LYPLAL1: variants seen among roughly 807,000 people sequenced by gnomAD.
LYPLAL1 encodes the protein lysophospholipase like 1.
A neutral mutation model predicts 19.7 loss-of-function variants in LYPLAL1; 23 were observed. That is an observed-to-expected ratio of 1.17 (90% confidence interval 0.84 to 1.65). The LOEUF (loss-of-function observed/expected upper bound fraction) is 1.65. LYPLAL1 is among the 40% of genes most tolerant of loss of function. The pLI is 0.00. For missense variants in LYPLAL1, 355 were observed against 279.4 expected (o/e 1.27, Z -1.93); for synonymous variants, 119 against 96.3 (o/e 1.24, Z -1.38).
At chr1:219,180,163 A>C (rs532448328) in intron 2 of LYPLAL1, among the ~76,000 whole-genome samples, 1 of 152,076 alleles carries the variant, frequency 6.6e-6, no homozygotes, top group Non-Finnish European at 1.5e-5. Context: ...CGCCCAGCTA[A>C]TTTTAAAGAC....
the LYPLAL1 span, among the ~76,000 whole-genome samples, chr1:219,340,265 T>C: frequency 6.6e-6 from 1 of 152,072 alleles, no homozygotes; most frequent in African/African-American, 2.4e-5. Context: ...CTTTAGTAGC[T>C]CTGGTGTTCT....
the LYPLAL1 span, among the ~76,000 whole-genome samples, chr1:219,402,804 C>T: frequency 1.3e-5 from 2 of 151,658 alleles, no homozygotes; most frequent in African/African-American, 2.4e-5. Context: ...TTCATGTAAT[C>T]GTGAGAATAA....
Position 219,173,922 on chromosome 1 carries a change from G to T in LYPLAL1, c.32G>T (p.Arg11Leu), listed in dbSNP as rs370263410. ...GCTGCGTCGGGGTCGGTTCTGCAGC[G>T]CTGTATCGTGTCGCCGGCAGGGAGG... MAAASGSVLQ[R>L]CIVSPAGRHS... Residue 11 changes from arginine to leucine, a missense_variant, in exon 1 of 5, where the codon CGC (arginine) becomes CTC (leucine). Physicochemically the swap from Arg to Leu is moderately radical, Grantham distance 102. Transcript: ENST00000366928. 1.9e-6 allele frequency: 3 copies of T among 1,613,772 alleles called. No homozygotes were observed. Among genetic ancestry groups the T allele is most frequent in the Admixed American group, 1.7e-5 (1 of 60,032 alleles).
At chr1:219,413,391 T>A in the LYPLAL1 span, among the ~76,000 whole-genome samples, 1 of 152,206 alleles carries the variant, frequency 6.6e-6, no homozygotes, top group Admixed American at 6.5e-5. Context: ...CTGCCACTGA[T>A]CCATGTACCA....
chr1:219,422,081 C>G, the LYPLAL1 span, among the ~76,000 whole-genome samples: 1 of 152,154 alleles, frequency 6.6e-6, no homozygotes, highest in Non-Finnish European at 1.5e-5. Flanking sequence ...ACACCACATA[C>G]CATTTTTTCC....
chr1:219,367,094 A>C, the LYPLAL1 span, among the ~76,000 whole-genome samples: 1 of 152,028 alleles, frequency 6.6e-6, no homozygotes, highest in Non-Finnish European at 1.5e-5. Flanking sequence ...TTACCCCGAG[A>C]TAACTTTGCC....
chr1:219,320,675 G>A, the LYPLAL1 span, among the ~76,000 whole-genome samples: 1 of 152,042 alleles, frequency 6.6e-6, no homozygotes, highest in Non-Finnish European at 1.5e-5. Context: ...CCACCTCTGA[G>A]TGAGAACATG....
the LYPLAL1 span, among the ~76,000 whole-genome samples, chr1:219,379,472 G>T: frequency 4.9e-4 from 74 of 152,290 alleles, 1 homozygote; most frequent in Non-Finnish European, 9.3e-4. Flanking sequence ...GCTGCAGTTA[G>T]CTCTAAAGGG....
At chr1:219,281,963 C>T in the LYPLAL1 span, among the ~76,000 whole-genome samples, 60 of 152,288 alleles carry the variant, frequency 3.9e-4, no homozygotes, top group African/African-American at 1.2e-3. Context: ...GCCACTCTCT[C>T]TTACATGCAC....
At chr1:219,174,896 A>G in intron 1 of LYPLAL1, 1 of 985,494 alleles carries the variant, frequency 1.0e-6, no homozygotes, top group Non-Finnish European at 1.2e-6. Flanking sequence ...AGATCACAAG[A>G]CGGTGCATGG....
intron 2 of LYPLAL1, among the ~76,000 whole-genome samples, chr1:219,186,437 G>A (rs1417352401): frequency 6.6e-6 from 1 of 151,764 alleles, no homozygotes; most frequent in Non-Finnish European, 1.5e-5. Flanking sequence ...AGCTATGATT[G>A]TAGATTGGTC....
chr1:219,386,576 C>G, the LYPLAL1 span, among the ~76,000 whole-genome samples: 1 of 152,094 alleles, frequency 6.6e-6, no homozygotes, highest in Admixed American at 6.6e-5. Context: ...AACTTGAGGC[C>G]TCTTCTCTTC....
At chr1:219,445,103 T>A in the LYPLAL1 span, among the ~76,000 whole-genome samples, 1 of 152,024 alleles carries the variant, frequency 6.6e-6, no homozygotes, top group Non-Finnish European at 1.5e-5. Flanking sequence ...GTTTTCTACA[T>A]GCATTTGAAA....
At chr1:219,206,010 C>T (rs1658542706) in intron 3 of LYPLAL1, among the ~76,000 whole-genome samples, 1 of 151,944 alleles carries the variant, frequency 6.6e-6, no homozygotes, top group Admixed American at 6.6e-5. Context: ...TAATAGTATA[C>T]CAGTTAAATG....
chr1:219,201,573 TTATAA>T lies in LYPLAL1; in HGVS notation c.361+8327_361+8331del, dbSNP rs534422620. 1.9e-3 allele frequency among the ~76,000 whole-genome samples: 292 copies of T among 151,992 alleles called. 2 individuals are homozygous for T. Among genetic ancestry groups the T allele is most frequent in the African/African-American group, 6.4e-3 (264 of 41,550 alleles). On this transcript the variant is annotated intron_variant, in intron 3 of 4. Transcript: ENST00000366928. ...AAATCTAAGATTTATTAATTTCATATTATAATATATAATATACCAAATTAAAGTGG... is the reference window on the plus strand; with the variant it reads ...AAATCTAAGATTTATTAATTTCATATTATATAATATACCAAATTAAAGTGG...
chr1:219,296,449 G>A, the LYPLAL1 span, among the ~76,000 whole-genome samples: 2 of 152,254 alleles, frequency 1.3e-5, no homozygotes, highest in East Asian at 3.9e-4. Context: ...GTGAACAGTG[G>A]TTAGTTTGTT....
At chr1:219,253,610 C>A in the LYPLAL1 span, among the ~76,000 whole-genome samples, 1 of 91,848 alleles carries the variant, frequency 1.1e-5, no homozygotes, top group African/African-American at 4.7e-5. Flanking sequence ...ATAGTCTTTA[C>A]TTCTATTTTT....
the LYPLAL1 span, among the ~76,000 whole-genome samples, chr1:219,344,537 A>T: frequency 6.6e-6 from 1 of 152,142 alleles, no homozygotes; most frequent in Non-Finnish European, 1.5e-5. Flanking sequence ...CCACAGCATA[A>T]GTGACTTCCT....
rs777128509 is a variant in LYPLAL1 at position 219,193,235 on chromosome 1, G to A, written c.345G>A (p.Lys115=). 1.2e-6 allele frequency: 2 copies of A among 1,609,224 alleles called. No individual in the cohort carries two copies. Residue 115 remains lysine, a synonymous_variant, in exon 3 of 5, where the codon AAG becomes AAA. Coordinates refer to ENST00000366928, the MANE Select transcript of LYPLAL1 (RefSeq NM_138794.5). ...IDEEVKSGIK[K]NRILIGGFSM... is the part of the protein sequence containing the mutation. ...AAGAAGTAAAAAGTGGCATCAAGAA[G>A]AACAGGATATTAATAGGTAAGACCT...
Sources: gnomAD v4.1 joint callset for allele counts (sites outside exome capture counted in the v4.1 genomes callset) on GRCh38, gnomAD v4.1.1 for gene constraint, MANE v1.5 for transcripts, NCBI Gene and HGNC (gene_info 2026-07-23, HGNC 2026-07-21) for gene names.